TRHDE: variants seen among roughly 807,000 people sequenced by gnomAD.
TRHDE encodes the protein thyrotropin-releasing hormone-degrading ectoenzyme.
In TRHDE, 72 loss-of-function variants were observed where a neutral mutation model predicts 125.7. The observed-to-expected ratio is 0.57, with a 90% CI of 0.47 to 0.70. The LOEUF is 0.70. TRHDE is among the 30% of genes least tolerant of loss of function. The pLI is 0.00. For synonymous variants in TRHDE, 509 were observed against 509.1 expected (o/e 1.00, Z 0.00); for missense variants, 1,110 against 1,327.1 (o/e 0.84, Z 2.54).
intron 2 of TRHDE, among the ~76,000 whole-genome samples, chr12:72,163,660 G>T (rs1273731962): frequency 6.6e-6 from 1 of 152,134 alleles, no homozygotes. Context: ...ATTTATGTTT[G>T]TTCTGATAAC....
chr12:72,218,513 A>G (rs965401720), intron 2 of TRHDE, among the ~76,000 whole-genome samples: 6 of 152,108 alleles, frequency 3.9e-5, no homozygotes, highest in East Asian at 3.9e-4. Context: ...ATAAATTACT[A>G]CTAACTGGGT....
chr12:72,230,001 T>A (rs1423898554), intron 2 of TRHDE, among the ~76,000 whole-genome samples: 1 of 152,148 alleles, frequency 6.6e-6, no homozygotes, highest in Non-Finnish European at 1.5e-5. Flanking sequence ...GACACAAATA[T>A]TGTCAGTCTC....
At chr12:72,241,113 C>T (rs1428012404) in intron 2 of TRHDE, among the ~76,000 whole-genome samples, 1 of 152,244 alleles carries the variant, frequency 6.6e-6, no homozygotes, top group Middle Eastern at 3.4e-3. Context: ...TCCAACCCTG[C>T]ACCCCACTCC....
intron 3 of TRHDE, among the ~76,000 whole-genome samples, chr12:72,418,888 A>G (rs1408522106): frequency 1.3e-5 from 2 of 152,156 alleles, no homozygotes; most frequent in Non-Finnish European, 2.9e-5. Flanking sequence ...TTTTGATGCT[A>G]AAGAAGAAGA....
intron 2 of TRHDE, among the ~76,000 whole-genome samples, chr12:72,178,530 A>G (rs925033127): frequency 1.3e-5 from 2 of 152,140 alleles, no homozygotes; most frequent in Admixed American, 6.5e-5. Flanking sequence ...AAATATCTCA[A>G]TAACAGAGAG....
intron 12 of TRHDE, among the ~76,000 whole-genome samples, chr12:72,580,991 T>C (rs983608152): frequency 1.3e-5 from 2 of 151,958 alleles, no homozygotes; most frequent in South Asian, 2.1e-4. Flanking sequence ...GGAAATACCA[T>C]CGGGAGAGTG....
At chr12:72,586,942 C>A (rs1871466003) in intron 12 of TRHDE, among the ~76,000 whole-genome samples, 1 of 151,982 alleles carries the variant, frequency 6.6e-6, no homozygotes, top group Non-Finnish European at 1.5e-5. Flanking sequence ...TAAACACACT[C>A]TAAATTAGAG....
intron 10 of TRHDE, 81 bp downstream of exon 10, chr12:72,568,737 T>C (rs1870578208): frequency 7.6e-6 from 7 of 917,000 alleles, no homozygotes; most frequent in South Asian, 1.7e-5. Flanking sequence ...TCAGCTGTTA[T>C]AAAATGTGAA....
chr12:72,343,323 G>C (rs937570152), intron 2 of TRHDE, among the ~76,000 whole-genome samples: 6 of 151,704 alleles, frequency 4.0e-5, no homozygotes, highest in Non-Finnish European at 8.8e-5. Flanking sequence ...TGTGCTATCT[G>C]AATATACAAA....
At chr12:72,384,618 T>C (rs770111540) in intron 3 of TRHDE, among the ~76,000 whole-genome samples, 3 of 152,136 alleles carry the variant, frequency 2.0e-5, no homozygotes, top group Non-Finnish European at 4.4e-5. Context: ...TTGAGAATTG[T>C]ATAGTAGGAA....
chr12:72,470,139 A>C (rs892719377), intron 4 of TRHDE, among the ~76,000 whole-genome samples: 4 of 152,242 alleles, frequency 2.6e-5, no homozygotes, highest in African/African-American at 9.6e-5. Context: ...ATTTAGTTGA[A>C]GAGTGAGATG....
chr12:72,326,971 C>T (rs1240899217), intron 2 of TRHDE, among the ~76,000 whole-genome samples: 1 of 152,100 alleles, frequency 6.6e-6, no homozygotes, highest in Non-Finnish European at 1.5e-5. Context: ...CCTACAAGCT[C>T]TACAGTTCTT....
rs558872741 is a variant in TRHDE at position 72,202,962 on chromosome 12, A to G, written n.279+97210A>G. Reference sequence around the variant, plus strand: ...TGGGTTTCAGCTATTTAATATTTTTATTATTTTAAACATATTTTATATGTT... The same window carrying G: ...TGGGTTTCAGCTATTTAATATTTTTGTTATTTTAAACATATTTTATATGTT... On this transcript the variant is annotated intron_variant and non_coding_transcript_variant, in intron 2 of 4. Transcript: ENST00000548156. Among the ~76,000 whole-genome samples, 9 of 151,996 alleles carry G rather than the reference A, an allele frequency of 5.9e-5. No individual in the cohort carries two copies. In the East Asian group the frequency reaches 1.7e-3, roughly 29 times the overall value.
At chr12:72,093,123 C>G (rs1213237050) in intron 1 of TRHDE, among the ~76,000 whole-genome samples, 1 of 152,154 alleles carries the variant, frequency 6.6e-6, no homozygotes, top group Non-Finnish European at 1.5e-5. Flanking sequence ...GGTTGGCAAG[C>G]TTTTTCTTAC....
intron 1 of TRHDE, among the ~76,000 whole-genome samples, chr12:72,285,098 G>A (rs899209001): frequency 7.2e-5 from 11 of 151,990 alleles, no homozygotes; most frequent in Non-Finnish European, 1.3e-4. Flanking sequence ...AAAAAATGAG[G>A]CCCTCAATGA....
At chr12:72,409,908 GTCCTTGCATTA>G (rs1873422171) in intron 3 of TRHDE, among the ~76,000 whole-genome samples, 1 of 152,014 alleles carries the variant, frequency 6.6e-6, no homozygotes, top group Non-Finnish European at 1.5e-5. Flanking sequence ...GTGTTTGAAG[GTCCTTGCATTA>G]TCCAGGAATA....
Position 72,327,873 on chromosome 12 carries a change from C to T in TRHDE, c.1188+40919C>T, listed in dbSNP as rs538087492. Among the ~76,000 whole-genome samples, 5 of 152,234 alleles carry T rather than the reference C, an allele frequency of 3.3e-5. No homozygotes were observed. The South Asian group carries it at 8.3e-4, about 25-fold the overall frequency. On this transcript the variant is annotated intron_variant, in intron 2 of 18. Transcript: ENST00000261180. ...CAAAGATTGTTTTGGGAATTTGTTT[C>T]GCTCAGGCTTCTTTTTGCCACTTGT...
At chr12:72,461,978 G>A (rs983941328) in intron 3 of TRHDE, among the ~76,000 whole-genome samples, 8 of 152,088 alleles carry the variant, frequency 5.3e-5, no homozygotes, top group Non-Finnish European at 8.8e-5. Context: ...CTTGCAAAGC[G>A]GGTACTGTTA....
chr12:72,320,565 G>GTGTA (rs1288178558), intron 2 of TRHDE, among the ~76,000 whole-genome samples: 1 of 151,680 alleles, frequency 6.6e-6, no homozygotes, highest in Non-Finnish European at 1.5e-5. Flanking sequence ...GTGTGTGTGT[G>GTGTA]TGTGTGTGTG....
Sources: allele counts gnomAD v4.1 joint callset (sites outside exome capture counted in the v4.1 genomes callset), GRCh38; gene constraint gnomAD v4.1.1; transcripts MANE v1.5; gene names NCBI Gene and HGNC (gene_info 2026-07-23, HGNC 2026-07-21).